CDH18: variants seen among roughly 807,000 people sequenced by gnomAD.
CDH18 encodes the protein cadherin 18.
A neutral mutation model predicts 67.9 loss-of-function variants in CDH18; 31 were observed. The observed-to-expected ratio is 0.46, with a 90% CI of 0.34 to 0.62. CDH18 has a LOEUF of 0.62. Ranked by LOEUF, CDH18 falls within the 20% of genes least tolerant of loss-of-function variation. The pLI, the probability that CDH18 is intolerant of heterozygous loss-of-function variation, is 0.01. For missense variants in CDH18, 890 were observed against 975.5 expected (o/e 0.91, Z 1.17); for synonymous variants, 362 against 347.2 (o/e 1.04, Z -0.48).
chr5:20,171,020 C>T (rs1736661934), intron 2 of CDH18, among the ~76,000 whole-genome samples: 1 of 143,488 alleles, frequency 7.0e-6, no homozygotes, highest in Non-Finnish European at 1.5e-5. Context: ...ATTCATGTTC[C>T]TGCAAAGTAT....
At chr5:20,161,231 T>A (rs62353886) in intron 2 of CDH18, among the ~76,000 whole-genome samples, 76,273 of 152,052 alleles carry the variant, frequency 0.5, 19,679 homozygotes, top group Middle Eastern at 0.64. Flanking sequence ...ATGGTGGCAT[T>A]CCCCTAGATG....
chr5:20,022,401 A>C (rs1434754666), intron 2 of CDH18, among the ~76,000 whole-genome samples: 4 of 152,234 alleles, frequency 2.6e-5, no homozygotes, highest in African/African-American at 9.6e-5. Flanking sequence ...CAGTGTTTAT[A>C]TGAATGATAT....
chr5:20,470,308 C>A (rs1751956414), intron 1 of CDH18, among the ~76,000 whole-genome samples: 1 of 152,152 alleles, frequency 6.6e-6, no homozygotes. Context: ...AAAGCCATAA[C>A]TCTAAATTGG....
At chr5:20,170,302 G>A (rs866545503) in intron 2 of CDH18, among the ~76,000 whole-genome samples, 1 of 151,678 alleles carries the variant, frequency 6.6e-6, no homozygotes, top group Non-Finnish European at 1.5e-5. Flanking sequence ...CCTGTGTTAC[G>A]TTCCTGAGTA....
At chr5:20,329,671 G>A (rs1041270700) in intron 1 of CDH18, among the ~76,000 whole-genome samples, 5 of 149,526 alleles carry the variant, frequency 3.3e-5, no homozygotes, top group Non-Finnish European at 5.9e-5. Flanking sequence ...TTGGGAGGCT[G>A]AGGCAGGAGA....
intron 1 of CDH18, among the ~76,000 whole-genome samples, chr5:20,352,432 G>A (rs1195840749): frequency 6.6e-6 from 1 of 151,964 alleles, no homozygotes. Flanking sequence ...AATCTTGGTT[G>A]TTGAAAGGTC....
At chr5:20,567,307 C>G (rs988139734) in intron 1 of CDH18, among the ~76,000 whole-genome samples, 6 of 152,146 alleles carry the variant, frequency 3.9e-5, no homozygotes, top group African/African-American at 1.4e-4. Flanking sequence ...GTGACATAAA[C>G]TTTCAATTTA....
At chr5:20,406,441 G>T (rs978543853) in intron 1 of CDH18, among the ~76,000 whole-genome samples, 8 of 151,034 alleles carry the variant, frequency 5.3e-5, no homozygotes, top group East Asian at 4.0e-4. Context: ...TGTGGGGGAG[G>T]GGGGAGGGAT....
chr5:20,367,276 C>A (rs952010443), intron 1 of CDH18, among the ~76,000 whole-genome samples: 1 of 152,114 alleles, frequency 6.6e-6, no homozygotes, highest in Non-Finnish European at 1.5e-5. Flanking sequence ...ATACTAATGA[C>A]CTTGGGTTTA....
At position 20,421,067 on chromosome 5, in the gene CDH18, A is replaced by AT. The variant is rs917282245; in HGVS notation, c.-580+154394dup. Among the ~76,000 whole-genome samples, 5 of 150,710 alleles carry AT rather than the reference A, an allele frequency of 3.3e-5. 1 individual carries two copies. The highest frequency in any genetic ancestry group is 7.4e-5 in the Non-Finnish European group (5 of 67,946). On this transcript the variant is annotated intron_variant, in intron 1 of 14. Transcript: ENST00000507958. ...CAGTATGATCTTTAAATCCTTTTTG[A>AT]TTTTTTCCCTATTTATCACAAAACC...
intron 2 of CDH18, among the ~76,000 whole-genome samples, chr5:19,950,489 A>T (rs1795686646): frequency 6.6e-6 from 1 of 152,168 alleles, no homozygotes; most frequent in Non-Finnish European, 1.5e-5. Context: ...CTATGTAACC[A>T]AACAACAGCT....
intron 2 of CDH18, among the ~76,000 whole-genome samples, chr5:20,244,236 CTT>C (rs1384380719): frequency 6.6e-6 from 1 of 152,056 alleles, no homozygotes; most frequent in Non-Finnish European, 1.5e-5. Context: ...CATGATCTAA[CTT>C]AATGTGATAA....
At chr5:20,267,209 T>C (rs1745107042) in intron 1 of CDH18, among the ~76,000 whole-genome samples, 1 of 152,230 alleles carries the variant, frequency 6.6e-6, no homozygotes, top group South Asian at 2.1e-4. Flanking sequence ...CCAAAGTATG[T>C]TCTTATCATC....
At chr5:20,272,372 T>C (rs1036824445) in intron 1 of CDH18, among the ~76,000 whole-genome samples, 1 of 149,392 alleles carries the variant, frequency 6.7e-6, no homozygotes, top group Admixed American at 6.6e-5. Flanking sequence ...ATTAACTTTT[T>C]TTGTTTGTTT....
intron 3 of CDH18, among the ~76,000 whole-genome samples, chr5:19,804,728 G>T (rs192814203): frequency 6.6e-6 from 1 of 152,202 alleles, no homozygotes; most frequent in African/African-American, 2.4e-5. Flanking sequence ...ACATGCCCTG[G>T]ATTATTAATG....
chr5:20,410,601 G>A (rs1746683725), intron 1 of CDH18, among the ~76,000 whole-genome samples: 1 of 151,434 alleles, frequency 6.6e-6, no homozygotes, highest in Non-Finnish European at 1.5e-5. Context: ...ACATGAGAAG[G>A]ATGTCCATTC....
At chr5:19,849,701 CAT>C (rs756584966) in intron 2 of CDH18, among the ~76,000 whole-genome samples, 363 of 22,918 alleles carry the variant, frequency 0.016, 44 homozygotes, top group Middle Eastern at 0.042. Flanking sequence ...TATATACACG[CAT>C]ATATATATAA....
At chr5:20,209,736 C>T (rs1740201091) in intron 2 of CDH18, among the ~76,000 whole-genome samples, 1 of 151,732 alleles carries the variant, frequency 6.6e-6, no homozygotes, top group Non-Finnish European at 1.5e-5. Context: ...TATTTTAAAA[C>T]AGCTATAAGA....
At chr5:19,728,055 C>T (rs190085866) in intron 4 of CDH18, among the ~76,000 whole-genome samples, 1 of 152,238 alleles carries the variant, frequency 6.6e-6, no homozygotes, top group African/African-American at 2.4e-5. Context: ...AATTATTACC[C>T]TCTACGTGCT....
Sources: allele counts gnomAD v4.1 joint callset (sites outside exome capture counted in the v4.1 genomes callset), GRCh38; gene constraint gnomAD v4.1.1; transcripts MANE v1.5; gene names NCBI Gene and HGNC (gene_info 2026-07-23, HGNC 2026-07-21).